The following TMLHE variants were observed in gnomAD, a reference collection of about 807,000 sequenced individuals.
The protein encoded by TMLHE is trimethyllysine hydroxylase, epsilon.
A neutral mutation model predicts 25.7 loss-of-function variants in TMLHE; 18 were observed. The ratio of observed to expected loss-of-function variants is 0.70; its 90% CI spans 0.48 to 1.04. The LOEUF (loss-of-function observed/expected upper bound fraction) is 1.04. Among genes scored for constraint, TMLHE ranks in the 50% least tolerant of loss-of-function variants. The probability of loss-of-function intolerance (pLI) is 0.00; values close to 1 mark genes in which losing one functional copy is unlikely to be tolerated. For missense variants in TMLHE, 236 were observed against 259.0 expected (o/e 0.91, Z 0.61); for synonymous variants, 105 against 97.0 (o/e 1.08, Z -0.49).
At chrX:155,553,850 A>G (rs894396532) in intron 1 of TMLHE, among the ~76,000 whole-genome samples, 21 of 110,606 alleles carry the variant, frequency 1.9e-4, no homozygotes, top group Non-Finnish European at 5.7e-5. Context: ...ATAATAACAT[A>G]TATATATGAC....
In TMLHE at chrX:155,573,300, G is replaced by T. The variant is rs367558351; in HGVS notation, c.-1-28023C>A. The stretch of plus-strand genomic sequence containing the variant: ...ACAATGAGATACCATCTCACACCAG[G>T]TAGAATGGCAATCATTAAAAAGTCA... On this transcript the variant is annotated intron_variant, in intron 1 of 7. Coordinates refer to ENST00000334398, the MANE Select transcript of TMLHE (RefSeq NM_018196.4). Among the ~76,000 whole-genome samples, 4 of 57,147 alleles carry T rather than the reference G, an allele frequency of 7.0e-5. 1 individual carries two copies. The highest frequency in any genetic ancestry group is 9.2e-5 in the Non-Finnish European group (2 of 21,790). The allele number at this position is 57,147 out of a possible 115,157, so 49.6% of individuals were successfully genotyped here.
chrX:155,583,081 C>A (rs2067641366), intron 1 of TMLHE, among the ~76,000 whole-genome samples: 13 of 111,334 alleles, frequency 1.2e-4, no homozygotes, highest in Admixed American at 1.1e-3. Flanking sequence ...GACAGAAAAC[C>A]AAACACCACA....
intron 1 of TMLHE, among the ~76,000 whole-genome samples, chrX:155,558,106 A>G (rs782003880): frequency 9.0e-6 from 1 of 111,664 alleles, no homozygotes; most frequent in Non-Finnish European, 1.9e-5. Context: ...CCTTAATGTA[A>G]TGCCTTCTAC....
chrX:155,568,363 T>G (rs1380677246), intron 1 of TMLHE, among the ~76,000 whole-genome samples: 1 of 61,259 alleles, frequency 1.6e-5, no homozygotes, highest in African/African-American at 3.6e-5. Flanking sequence ...CCCACCACAG[T>G]TCAAGGAGGC....
intron 1 of TMLHE, among the ~76,000 whole-genome samples, chrX:155,607,293 A>G (rs1287534146): frequency 2.7e-5 from 3 of 112,516 alleles, no homozygotes; most frequent in Non-Finnish European, 5.6e-5. Context: ...AAATGTTATT[A>G]ATCACATAAA....
intron 1 of TMLHE, among the ~76,000 whole-genome samples, chrX:155,580,568 C>G (rs782651113): frequency 1.8e-4 from 20 of 112,164 alleles, no homozygotes; most frequent in Non-Finnish European, 2.8e-4. Flanking sequence ...CGTTTTCACA[C>G]TGCTGATAAA....
intron 1 of TMLHE, among the ~76,000 whole-genome samples, chrX:155,597,536 C>T (rs1265533767): frequency 1.8e-5 from 2 of 111,821 alleles, no homozygotes; most frequent in African/African-American, 6.5e-5. Context: ...GCTATAAAGA[C>T]ACATGCACAC....
At chrX:155,524,043 T>C (rs1320572825) in intron 3 of TMLHE, among the ~76,000 whole-genome samples, 1 of 112,286 alleles carries the variant, frequency 8.9e-6, no homozygotes, top group Non-Finnish European at 1.9e-5. Flanking sequence ...CACGGTTTTA[T>C]TATAGATTAC....
intron 1 of TMLHE, among the ~76,000 whole-genome samples, chrX:155,577,744 A>T (rs1557344003): frequency 9.0e-6 from 1 of 111,461 alleles, no homozygotes; most frequent in African/African-American, 3.3e-5. Flanking sequence ...GTGCAAAAGT[A>T]ATTGCAGTTT....
chrX:155,556,616 G>A (rs1206488095), intron 1 of TMLHE, among the ~76,000 whole-genome samples: 2 of 109,259 alleles, frequency 1.8e-5, no homozygotes, highest in Non-Finnish European at 3.8e-5. Flanking sequence ...AGTGGAGGCA[G>A]GGCGAGATCA....
chrX:155,547,821 C>A (rs782649272), intron 1 of TMLHE, among the ~76,000 whole-genome samples: 1 of 111,038 alleles, frequency 9.0e-6, no homozygotes, highest in African/African-American at 3.3e-5. Flanking sequence ...TTATTTACCA[C>A]CCCATTCTTT....
chrX:155,559,175 C>T (rs1289128650), intron 1 of TMLHE, among the ~76,000 whole-genome samples: 1 of 110,944 alleles, frequency 9.0e-6, no homozygotes, highest in Non-Finnish European at 1.9e-5. Context: ...TACAATTTAC[C>T]CATTCCAGGA....
At chrX:155,601,950 C>T (rs1399837448) in intron 1 of TMLHE, among the ~76,000 whole-genome samples, 3 of 110,269 alleles carry the variant, frequency 2.7e-5, no homozygotes, top group Non-Finnish European at 5.7e-5. Context: ...AAAAGAAGGA[C>T]ATTTTATAAT....
At chrX:155,572,553 G>C (rs1331678454) in intron 1 of TMLHE, among the ~76,000 whole-genome samples, 1 of 56,993 alleles carries the variant, frequency 1.8e-5, no homozygotes, top group African/African-American at 4.2e-5. Context: ...AAAGAACAAA[G>C]CTGGAGGCAT....
At chrX:155,609,379 C>T (rs902905724) in intron 1 of TMLHE, among the ~76,000 whole-genome samples, 2 of 110,625 alleles carry the variant, frequency 1.8e-5, no homozygotes, top group Admixed American at 1.9e-4. Context: ...GACACGGGGG[C>T]CTACTTGAGG....
At chrX:155,530,646 G>A (rs1420705643) in intron 2 of TMLHE, among the ~76,000 whole-genome samples, 2 of 112,214 alleles carry the variant, frequency 1.8e-5, no homozygotes, top group Non-Finnish European at 3.8e-5. Context: ...CTGTCTATAT[G>A]TATCTCATAA....
intron 1 of TMLHE, among the ~76,000 whole-genome samples, chrX:155,553,785 A>G (rs1361513483): frequency 9.2e-6 from 1 of 108,194 alleles, no homozygotes; most frequent in Non-Finnish European, 1.9e-5. Flanking sequence ...TATTCAATTT[A>G]CTCCTTGTTT....
At chrX:155,611,337 A>C (rs1354177231) in intron 1 of TMLHE, 1 of 111,488 alleles carries the variant, frequency 9.0e-6, no homozygotes, top group Non-Finnish European at 1.9e-5. Context: ...TTCAGTTTGC[A>C]GGAAGAGACT....
intron 1 of TMLHE, among the ~76,000 whole-genome samples, chrX:155,585,198 C>T (rs1252968536): frequency 9.0e-6 from 1 of 111,320 alleles, no homozygotes; most frequent in Non-Finnish European, 1.9e-5. Flanking sequence ...AAAACATGGT[C>T]CAACTGTATG....
Sources: gnomAD v4.1 joint callset for allele counts (sites outside exome capture counted in the v4.1 genomes callset) on GRCh38, gnomAD v4.1.1 for gene constraint, MANE v1.5 for transcripts, NCBI Gene and HGNC (gene_info 2026-07-23, HGNC 2026-07-21) for gene names.